ANK3: variants seen among roughly 807,000 people sequenced by gnomAD.
The protein encoded by ANK3 is ankyrin-3.
ANK3 carries 57 observed loss-of-function variants against 370.9 expected under a neutral mutation model. The observed-to-expected ratio is 0.15, with a 90% CI of 0.12 to 0.19. ANK3 has a LOEUF of 0.19. Ranked by LOEUF, ANK3 falls within the 10% of genes least tolerant of loss-of-function variation. The pLI, the probability that ANK3 is intolerant of heterozygous loss-of-function variation, is 1.00. For missense variants in ANK3, 4,439 were observed against 5,302.1 expected (o/e 0.84, Z 5.06); for synonymous variants, 1,929 against 1,946.3 (o/e 0.99, Z 0.23).
At chr10:60,118,263 A>C (rs1411250783) in intron 25 of ANK3, among the ~76,000 whole-genome samples, 1 of 152,228 alleles carries the variant, frequency 6.6e-6, no homozygotes, top group African/African-American at 2.4e-5. Context: ...ACTTACTCTG[A>C]ATTACACAGA....
At chr10:60,622,244 C>T (rs942176965) in intron 1 of ANK3, among the ~76,000 whole-genome samples, 12 of 142,204 alleles carry the variant, frequency 8.4e-5, no homozygotes, top group Admixed American at 1.5e-4. Context: ...AAAAAATAGG[C>T]CTGAGGCTTT....
chr10:60,508,982 T>C (rs531293415), intron 2 of ANK3, among the ~76,000 whole-genome samples: 1 of 152,274 alleles, frequency 6.6e-6, no homozygotes, highest in South Asian at 2.1e-4. Flanking sequence ...CTAATGATTG[T>C]TGCTGGATCA....
At chr10:60,151,381 G>A (rs776305369) in intron 23 of ANK3, among the ~76,000 whole-genome samples, 6 of 152,110 alleles carry the variant, frequency 3.9e-5, no homozygotes, top group East Asian at 1.9e-4. Flanking sequence ...ATTAGTTACC[G>A]TGAGATGTGA....
chr10:60,131,447 T>A (rs567654635), intron 25 of ANK3, among the ~76,000 whole-genome samples: 13 of 152,380 alleles, frequency 8.5e-5, no homozygotes, highest in Non-Finnish European at 1.6e-4. Flanking sequence ...GATTTTCAGA[T>A]GTCCTATGCT....
At chr10:60,480,906 T>C (rs1270876566) in intron 2 of ANK3, among the ~76,000 whole-genome samples, 1 of 152,206 alleles carries the variant, frequency 6.6e-6, no homozygotes. Flanking sequence ...CATTATAGAT[T>C]ACCATGTTCA....
At chr10:60,688,143 C>T (rs545719959) in intron 1 of ANK3, among the ~76,000 whole-genome samples, 2 of 152,150 alleles carry the variant, frequency 1.3e-5, no homozygotes, top group South Asian at 4.1e-4. Flanking sequence ...GGTCTCGGCT[C>T]ACTGCAACCT....
intron 42 of ANK3, among the ~76,000 whole-genome samples, chr10:60,052,844 A>T (rs2078347440): frequency 6.6e-6 from 1 of 152,114 alleles, no homozygotes; most frequent in East Asian, 1.9e-4. Context: ...TTTAAAAAAA[A>T]AAATAAAACT....
intron 26 of ANK3, among the ~76,000 whole-genome samples, chr10:60,111,109 T>C (rs2092677727): frequency 6.6e-6 from 1 of 152,138 alleles, no homozygotes; most frequent in African/African-American, 2.4e-5. Flanking sequence ...CTAATACTAA[T>C]GGATTGATGG....
rs577026723 is a variant in ANK3, at chr10:60,486,800, A to G, written c.96+128386T>C. Among the ~76,000 whole-genome samples, 4 of 127,320 alleles carry G rather than the reference A, an allele frequency of 3.1e-5. No individual in the cohort carries two copies. In the South Asian group the frequency reaches 1.0e-3, roughly 32 times the overall value. 83.5% of individuals were successfully genotyped at this position (127,320 alleles called of 152,430 possible). On this transcript the variant is annotated intron_variant, in intron 2 of 43. Coordinates refer to the ANK3 transcript ENST00000373827. ...ACTAATAACTGAACTGCTCTTACTG[A>G]TATATTCAATTAACACTAAAAAATG...
chr10:60,080,463 A>T (rs763820813), intron 36 of ANK3, 74 bp downstream of exon 36: 29 of 1,320,740 alleles, frequency 2.2e-5, no homozygotes, highest in Non-Finnish European at 3.1e-5. Context: ...AAATGATAAA[A>T]TTTGGTTTGT....
intron 7 of ANK3, among the ~76,000 whole-genome samples, chr10:60,240,978 A>G (rs2097447284): frequency 6.6e-6 from 1 of 152,174 alleles, no homozygotes; most frequent in Admixed American, 6.5e-5. Flanking sequence ...AAAAATTTCT[A>G]CATGTACATT....
intron 2 of ANK3, among the ~76,000 whole-genome samples, chr10:60,607,582 T>C (rs1465827452): frequency 2.6e-5 from 4 of 152,202 alleles, no homozygotes; most frequent in Non-Finnish European, 5.9e-5. Context: ...CCTATCAGCA[T>C]AGTGCTCCGG....
intron 2 of ANK3, among the ~76,000 whole-genome samples, chr10:60,438,601 G>A (rs929526371): frequency 2.0e-5 from 3 of 152,162 alleles, no homozygotes; most frequent in Non-Finnish European, 4.4e-5. Context: ...ACAATGATTG[G>A]ATGATTAGGT....
Position 60,278,769 on chromosome 10 carries a change from C to T in ANK3, c.414+5G>A. On this transcript the variant is annotated splice_donor_5th_base_variant and intron_variant, in intron 4 of 43. Transcript: ENST00000280772. ...AATGTCTGTGGCATGGAGTTGTAGG[C>T]TTACCTGAGATTGTGCATTGACATT... 6.2e-7 allele frequency: 1 copy of T among 1,611,290 alleles called. No individual in the cohort carries two copies. Among genetic ancestry groups the T allele is most frequent in the East Asian group, 2.2e-5 (1 of 44,862 alleles).
Position 60,072,880 on chromosome 10 carries a change from G to A in ANK3, c.8001C>T (p.Pro2667=), listed in dbSNP as rs778594543. 16 of 1,614,042 alleles carry A rather than the reference G, an allele frequency of 9.9e-6. No individual in the cohort carries two copies. In the East Asian group the frequency reaches 2.2e-4, roughly 22 times the overall value. The change falls in exon 37 of 44, where the codon CCC becomes CCT. Residue 2667 remains proline (P), a synonymous_variant. Coordinates refer to ENST00000280772, the MANE Select transcript of ANK3 (RefSeq NM_020987.5). ...QGFPKAEEKA[P]SLPSSPEKMV... is the part of the protein sequence containing the mutation. Reference sequence around the variant, plus strand: ...TCTTCTCTGGGCTGCTGGGCAGACTGGGTGCCTTCTCCTCGGCCTTGGGGA... The same window carrying A: ...TCTTCTCTGGGCTGCTGGGCAGACTAGGTGCCTTCTCCTCGGCCTTGGGGA...
At chr10:60,246,255 CAAAAAAAAAAA>C (rs869144298) in intron 7 of ANK3, among the ~76,000 whole-genome samples, 6 of 92,676 alleles carry the variant, frequency 6.5e-5, no homozygotes, top group African/African-American at 2.4e-4. Flanking sequence ...AACCCTGTAT[CAAAAAAAAAAA>C]AAAAAAAAAA....
intron 2 of ANK3, among the ~76,000 whole-genome samples, chr10:60,475,898 C>T (rs1485931706): frequency 1.3e-5 from 2 of 152,120 alleles, no homozygotes; most frequent in Non-Finnish European, 2.9e-5. Flanking sequence ...AGATATATTC[C>T]AACTCCACCT....
chr10:60,415,916 G>GCCCCCCCCCCCCCCCC (rs202007204), intron 2 of ANK3, among the ~76,000 whole-genome samples: 2 of 81,188 alleles, frequency 2.5e-5, no homozygotes, highest in Admixed American at 1.2e-4. Context: ...CTGAATTTGT[G>GCCCCCCCCCCCCCCCC]CCCCCCACCC....
intron 1 of ANK3, among the ~76,000 whole-genome samples, chr10:60,363,970 GTTT>G (rs113960102): frequency 0.49 from 67,958 of 138,244 alleles, 16,777 homozygotes; most frequent in South Asian, 0.6. Flanking sequence ...AAGGAGAAGT[GTTT>G]TTTTTTTTTT....
Sources: gnomAD v4.1 joint callset for allele counts (sites outside exome capture counted in the v4.1 genomes callset) on GRCh38, gnomAD v4.1.1 for gene constraint, MANE v1.5 for transcripts, NCBI Gene and HGNC (gene_info 2026-07-23, HGNC 2026-07-21) for gene names.